The following AOAH variants were observed in gnomAD, a reference collection of about 807,000 sequenced individuals.
The protein encoded by AOAH is acyloxyacyl hydrolase (neutrophil).
In AOAH, 64 loss-of-function variants were observed where a neutral mutation model predicts 92.2. The observed-to-expected ratio is 0.69, with a 90% CI of 0.57 to 0.86. The LOEUF (loss-of-function observed/expected upper bound fraction) is 0.86. Among genes scored for constraint, AOAH ranks in the 40% least tolerant of loss-of-function variants. The pLI is 0.00. For synonymous variants in AOAH, 263 were observed against 254.5 expected (o/e 1.03, Z -0.32); for missense variants, 656 against 694.6 (o/e 0.94, Z 0.62).
chr7:36,631,988 G>T, intron 6 of AOAH, 48 bp downstream of exon 6: 1 of 1,435,762 alleles, frequency 7.0e-7, no homozygotes, highest in South Asian at 1.2e-5. Flanking sequence ...GACAAGCAAA[G>T]ACGTTATTAC....
In AOAH at chr7:36,614,716, T is replaced by A. The variant is rs1791733783; in HGVS notation, c.846+1664A>T. 6.6e-6 allele frequency among the ~76,000 whole-genome samples: 1 copy of A among 152,120 alleles called. No individual in the cohort carries two copies. The highest frequency in any genetic ancestry group is 2.4e-5 in the African/African-American group (1 of 41,412). ...ATCTGGGCACAGGCAAGAGGAAGAT[T>A]GGGGTTGGGCATGGTGGCAGCTGTC... On this transcript the variant is annotated intron_variant, in intron 11 of 20. Transcript: ENST00000617537. The surrounding 1 kb of genome is among the most constrained non-coding windows in gnomAD (Gnocchi z 4.2).
In AOAH at chr7:36,660,155, C is replaced by T. The variant is rs191600976; in HGVS notation, c.291-890G>A. On this transcript the variant is annotated intron_variant, in intron 3 of 20. Coordinates refer to ENST00000617537, the MANE Select transcript of AOAH (RefSeq NM_001637.4). The stretch of plus-strand genomic sequence containing the variant: ...AAGCAACCGCTTCCCCATCTCCCTT[C>T]GCTGACTGTCTTTTCGGACTCAGCC... Among the ~76,000 whole-genome samples, 4 of 152,322 alleles carry T rather than the reference C, an allele frequency of 2.6e-5. No homozygotes were observed. The East Asian group carries it at 5.8e-4, about 22-fold the overall frequency.
chr7:36,570,260 C>T (rs953570042), intron 13 of AOAH, among the ~76,000 whole-genome samples: 1 of 150,254 alleles, frequency 6.7e-6, no homozygotes, highest in African/African-American at 2.4e-5. Flanking sequence ...TGGAATCCGG[C>T]AGTATTCGTC....
Position 36,699,637 on chromosome 7 carries a change from G to GT in AOAH, c.128-12844dup, listed in dbSNP as rs377319409. Among the ~76,000 whole-genome samples the GT allele has an allele frequency of 2.1e-3, 283 of 134,520 alleles. 2 individuals are homozygous for GT. The highest frequency in any genetic ancestry group is 4.0e-3 in the Admixed American group (54 of 13,492). 88.3% of individuals were successfully genotyped at this position (134,520 alleles called of 152,430 possible). On this transcript the variant is annotated intron_variant, in intron 1 of 20. Transcript: ENST00000617537. ...TGCCCATTTTTAAATTGGATTATTT[G>GT]TTTTTTTTTTTTTTTTGCTATTGAG...
chr7:36,532,198 G>A lies in AOAH; in HGVS notation c.1374C>T (p.Pro458=). Residue 458 remains proline (P), a synonymous_variant, in exon 18 of 21, where the codon CCC becomes CCT. Coordinates refer to ENST00000617537, the MANE Select transcript of AOAH (RefSeq NM_001637.4). ...YSFLNCLQVS[P]CHGWMSSNKT... ...TGTTGGAAGACATCCAGCCGTGGCA[G>A]GGGCTGACCTGAGAGCGGGAAAACA... The A allele has an allele frequency of 6.2e-7, 1 of 1,614,220 alleles. No individual in the cohort carries two copies. The highest frequency in any genetic ancestry group is 1.6e-4 in the Middle Eastern group (1 of 6,062).
At chr7:36,543,482 G>A (rs989787333) in intron 15 of AOAH, among the ~76,000 whole-genome samples, 3 of 151,768 alleles carry the variant, frequency 2.0e-5, no homozygotes, top group South Asian at 4.2e-4. Context: ...ATACAGCCAC[G>A]CTTTGGCACA....
At chr7:36,563,221 A>G (rs1204237034) in intron 13 of AOAH, among the ~76,000 whole-genome samples, 3 of 149,936 alleles carry the variant, frequency 2.0e-5, no homozygotes, top group East Asian at 3.9e-4. Context: ...TGGGACCACA[A>G]CTATTCCAGT....
chr7:36,688,616 A>C (rs1223570806), intron 1 of AOAH, among the ~76,000 whole-genome samples: 1 of 152,176 alleles, frequency 6.6e-6, no homozygotes, highest in Non-Finnish European at 1.5e-5. Context: ...TGGACCAGCC[A>C]CTTACAAATG....
chr7:36,624,321 T>G (rs1178200878), intron 6 of AOAH, among the ~76,000 whole-genome samples: 1 of 152,212 alleles, frequency 6.6e-6, no homozygotes, highest in African/African-American at 2.4e-5. Flanking sequence ...TTTATAGGAA[T>G]CACTAAATGG....
At chr7:36,524,771 T>G (rs972772830) in intron 19 of AOAH, among the ~76,000 whole-genome samples, 1 of 151,332 alleles carries the variant, frequency 6.6e-6, no homozygotes, top group East Asian at 1.9e-4. Context: ...GAGGATATGA[T>G]GAGAAGTTGG....
At chr7:36,549,060 C>A (rs1160907651) in intron 14 of AOAH, among the ~76,000 whole-genome samples, 1 of 152,108 alleles carries the variant, frequency 6.6e-6, no homozygotes, top group Non-Finnish European at 1.5e-5. Flanking sequence ...AGCCGTGGAC[C>A]CATAGTCAAC....
At position 36,660,405 on chromosome 7, in the gene AOAH, C is replaced by T. The variant is rs549812381; in HGVS notation, c.291-1140G>A. Among the ~76,000 whole-genome samples, 8 of 152,172 alleles carry T rather than the reference C, an allele frequency of 5.3e-5. No individual in the cohort carries two copies. In the South Asian group the frequency reaches 1.5e-3, roughly 28 times the overall value. On this transcript the variant is annotated intron_variant, in intron 3 of 20. Coordinates refer to ENST00000617537, the MANE Select transcript of AOAH (RefSeq NM_001637.4). ...ATCTCTGCTAACTGCAACCTCCGCC[C>T]CCTGGGTTCAAGTGATTCTTCTGCC...
chr7:36,513,432 T>C, intron 20 of AOAH, 52 bp from the exon 21 acceptor site: 1 of 1,575,780 alleles, frequency 6.3e-7, no homozygotes. Flanking sequence ...GACAAATCAC[T>C]TACCAACAAG....
chr7:36,535,110 GTGTC>G (rs781083593), intron 16 of AOAH, among the ~76,000 whole-genome samples: 5 of 150,986 alleles, frequency 3.3e-5, no homozygotes, highest in Non-Finnish European at 7.4e-5. Context: ...GTGTGTGTCT[GTGTC>G]TGTGTGTGTA....
chr7:36,513,279 C>CTGT lies in AOAH; in HGVS notation c.1698_1700dup (p.Gln567dup), dbSNP rs1486651490. The CTGT allele has an allele frequency of 6.2e-7, 1 of 1,614,192 alleles. No homozygotes were observed. Among genetic ancestry groups the CTGT allele is most frequent in the East Asian group, 2.2e-5 (1 of 44,878 alleles). ...AGTGCCCGCCTTGGTCTCCAAACAC[C>CTGT]TGTTTAATCTGGGGGTTGAACGGAT... On this transcript the variant is annotated inframe_insertion, in exon 21 of 21. Coordinates refer to ENST00000617537, the MANE Select transcript of AOAH (RefSeq NM_001637.4).
intron 13 of AOAH, among the ~76,000 whole-genome samples, chr7:36,567,536 A>G (rs540148559): frequency 6.6e-6 from 1 of 152,346 alleles, no homozygotes; most frequent in African/African-American, 2.4e-5. Context: ...CTAAAAATCT[A>G]TAAAAGTAAT....
chr7:36,573,502 G>C (rs761937451), intron 13 of AOAH, among the ~76,000 whole-genome samples: 11 of 152,204 alleles, frequency 7.2e-5, no homozygotes, highest in Non-Finnish European at 1.5e-4. Context: ...TGGATCACCA[G>C]AGGTCAGGAG....
At chr7:36,701,864 G>A (rs1000105530) in intron 1 of AOAH, among the ~76,000 whole-genome samples, 2 of 151,812 alleles carry the variant, frequency 1.3e-5, no homozygotes, top group Non-Finnish European at 2.9e-5. Context: ...TTTACTATCT[G>A]TTTTGTGGGA....
At chr7:36,515,666 CCCCTCACA>C in intron 20 of AOAH, among the ~76,000 whole-genome samples, 1 of 134,790 alleles carries the variant, frequency 7.4e-6, no homozygotes, top group Non-Finnish European at 1.6e-5. Context: ...ACACACCACA[CCCCTCACA>C]ACCCCACACC....
Sources: gnomAD v4.1 joint callset for allele counts (sites outside exome capture counted in the v4.1 genomes callset) on GRCh38, gnomAD v4.1.1 for gene constraint, Gnocchi (gnomAD v3.1) non-coding constraint, MANE v1.5 for transcripts, NCBI Gene and HGNC (gene_info 2026-07-23, HGNC 2026-07-21) for gene names.